MTUS2: variants seen among roughly 807,000 people sequenced by gnomAD.
MTUS2 encodes microtubule-associated tumor suppressor candidate 2.
MTUS2 carries 40 observed loss-of-function variants against 114.1 expected under a neutral mutation model. The observed-to-expected ratio is 0.35, with a 90% CI of 0.27 to 0.46. The LOEUF (loss-of-function observed/expected upper bound fraction) is 0.46, where lower values mean the gene tolerates loss of function less well. Among genes scored for constraint, MTUS2 ranks in the 20% least tolerant of loss-of-function variants. MTUS2 has a pLI of 1.00. For synonymous variants in MTUS2, 688 were observed against 672.0 expected, an observed-to-expected ratio of 1.02 and a Z score of -0.37; for missense variants, 1,679 against 1,705.4, an observed-to-expected ratio of 0.98 and a Z score of 0.27.
intron 8 of MTUS2, among the ~76,000 whole-genome samples, chr13:29,405,194 C>T (rs1459422555): frequency 6.6e-6 from 1 of 152,118 alleles, no homozygotes; most frequent in Non-Finnish European, 1.5e-5. Context: ...AACTTAATGT[C>T]CTTGGAGAAT....
chr13:28,988,749 G>C (rs1432506199), intron 2 of MTUS2, among the ~76,000 whole-genome samples: 1 of 152,136 alleles, frequency 6.6e-6, no homozygotes, highest in Non-Finnish European at 1.5e-5. Flanking sequence ...AGTAGACAAA[G>C]ACCTGAGGCA....
rs535541016 is a variant in MTUS2, at chr13:28,986,091, A to T, written c.-242-38366A>T. On this transcript the variant is annotated intron_variant, in intron 2 of 15. Coordinates refer to ENST00000612955, the MANE Select transcript of MTUS2 (RefSeq NM_001033602.4). ...GAACATAGGAGATGATGGCTTCCAA[A>T]GTTTCCTTTAAGAGTGTGAGAAGTT... Among the ~76,000 whole-genome samples, 4 of 152,036 alleles carry T rather than the reference A, an allele frequency of 2.6e-5. No homozygotes were observed. In the East Asian group the frequency reaches 7.7e-4, roughly 29 times the overall value.
chr13:29,240,194 T>G (rs1265176961), intron 5 of MTUS2: 1 of 151,990 alleles, frequency 6.6e-6, no homozygotes, highest in Non-Finnish European at 1.5e-5. Context: ...GCCATGAGAG[T>G]CAGTTAACAT....
At chr13:29,383,238 G>GTATATATATATATATATA (rs1300982870) in intron 8 of MTUS2, among the ~76,000 whole-genome samples, 60 of 24,106 alleles carry the variant, frequency 2.5e-3, no homozygotes, top group African/African-American at 4.6e-3. Flanking sequence ...GTGTGTGTGT[G>GTATATATATATATATATA]TGTGTGTGTG....
At chr13:28,854,520 C>T (rs1322601491) in intron 2 of MTUS2, among the ~76,000 whole-genome samples, 1 of 152,132 alleles carries the variant, frequency 6.6e-6, no homozygotes, top group Non-Finnish European at 1.5e-5. Context: ...CGTTGTTAGT[C>T]CATGAACACA....
chr13:28,933,658 C>G (rs1881742151), intron 2 of MTUS2, among the ~76,000 whole-genome samples: 1 of 152,188 alleles, frequency 6.6e-6, no homozygotes. Flanking sequence ...CCTTGTGGGG[C>G]TTAGCGTCCA....
intron 5 of MTUS2, among the ~76,000 whole-genome samples, chr13:29,173,002 C>T (rs1318405866): frequency 1.3e-5 from 2 of 152,078 alleles, no homozygotes; most frequent in African/African-American, 2.4e-5. Context: ...CAACATATAT[C>T]TCGTGTACCT....
At chr13:29,289,825 A>G (rs1898634755) in intron 6 of MTUS2, among the ~76,000 whole-genome samples, 1 of 152,136 alleles carries the variant, frequency 6.6e-6, no homozygotes. Context: ...ATGTGAAGAA[A>G]TTTTAGAGGG....
At chr13:28,873,226 C>T (rs1727109714) in intron 2 of MTUS2, among the ~76,000 whole-genome samples, 1 of 152,142 alleles carries the variant, frequency 6.6e-6, no homozygotes, top group Admixed American at 6.6e-5. Context: ...GTTTGAGTTC[C>T]TTGAACATAC....
chr13:28,828,718 A>G (rs1411278665), intron 1 of MTUS2, among the ~76,000 whole-genome samples: 1 of 152,200 alleles, frequency 6.6e-6, no homozygotes, highest in African/African-American at 2.4e-5. Flanking sequence ...AGGGACACCA[A>G]GACACTTAGT....
rs145283961 is a variant in MTUS2, at chr13:29,316,658, T to C, written c.2807-7955T>C. 1.9e-3 allele frequency among the ~76,000 whole-genome samples: 283 copies of C among 152,268 alleles called. 2 individuals carry two copies. Among genetic ancestry groups the C allele is most frequent in the African/African-American group, 6.5e-3 (270 of 41,566 alleles). On this transcript the variant is annotated intron_variant, in intron 6 of 15. Coordinates refer to ENST00000612955, the MANE Select transcript of MTUS2 (RefSeq NM_001033602.4). The stretch of plus-strand genomic sequence containing the variant: ...AGGACTCACTGAGGCCACTGCAGTG[T>C]AGTGAAATGCAGGCTAAGTAGGGCC...
intron 5 of MTUS2, among the ~76,000 whole-genome samples, chr13:29,104,306 C>T (rs758597499): frequency 6.6e-5 from 10 of 152,072 alleles, no homozygotes; most frequent in Non-Finnish European, 1.5e-4. Flanking sequence ...AAACTGAGAT[C>T]AGGTTGACTT....
At chr13:29,074,325 T>C (rs1318034979) in intron 4 of MTUS2, among the ~76,000 whole-genome samples, 4 of 152,168 alleles carry the variant, frequency 2.6e-5, no homozygotes, top group Non-Finnish European at 5.9e-5. Context: ...ATTCCTTGCT[T>C]AGTCCGGGTG....
chr13:28,830,024 G>A (rs772447392), intron 1 of MTUS2, among the ~76,000 whole-genome samples: 20 of 152,032 alleles, frequency 1.3e-4, no homozygotes, highest in Non-Finnish European at 1.8e-4. Flanking sequence ...CCCAACACGC[G>A]TAATCCCTCA....
In MTUS2 at chr13:29,025,894, G is replaced by A. The variant is rs371269942; in HGVS notation, c.1196G>A (p.Gly399Asp). ...QDSLHTTPKQ[G>D]SASLGGADNQ... ...TCTCTCCACACCACCCCCAAACAGG[G>A]CTCTGCTTCCTTAGGAGGGGCTGAT... Residue 399 changes from glycine (G) to aspartate (D), a missense_variant, in exon 3 of 16, where the codon GGC (glycine) becomes GAC (aspartate). Gly to Asp is a moderately conservative substitution (Grantham distance 94). Around this residue, in one of 3 missense-constraint regions of MTUS2, gnomAD observed 843 missense variants for 770.8 expected, o/e 1.09. Transcript: ENST00000612955. 7.0e-5 allele frequency: 113 copies of A among 1,613,410 alleles called. No individual in the cohort carries two copies. The highest frequency in any genetic ancestry group is 8.9e-5 in the Non-Finnish European group (105 of 1,179,642).
At chr13:29,216,230 A>T (rs954279306) in intron 5 of MTUS2, among the ~76,000 whole-genome samples, 1 of 152,180 alleles carries the variant, frequency 6.6e-6, no homozygotes, top group Non-Finnish European at 1.5e-5. Flanking sequence ...CCCTTCCTTC[A>T]TCAAGCTCGA....
At chr13:29,052,639 A>G (rs967512076) in intron 4 of MTUS2, among the ~76,000 whole-genome samples, 3 of 152,216 alleles carry the variant, frequency 2.0e-5, no homozygotes, top group Non-Finnish European at 4.4e-5. Flanking sequence ...TATTGTCCCA[A>G]ACAATGAAAG....
chr13:28,848,678 A>G (rs1011491132), intron 2 of MTUS2, among the ~76,000 whole-genome samples: 17 of 152,262 alleles, frequency 1.1e-4, no homozygotes, highest in African/African-American at 3.1e-4. Context: ...CTTTATAATA[A>G]TAATTGATAT....
At chr13:28,910,457 G>C (rs1226531474) in intron 2 of MTUS2, among the ~76,000 whole-genome samples, 1 of 152,058 alleles carries the variant, frequency 6.6e-6, no homozygotes, top group Non-Finnish European at 1.5e-5. Flanking sequence ...ATGCCATGGT[G>C]GTTTGCCGCG....
Sources: allele counts gnomAD v4.1 joint callset (sites outside exome capture counted in the v4.1 genomes callset), GRCh38; gene constraint gnomAD v4.1.1; regional missense constraint gnomAD v4.1.1; transcripts MANE v1.5; gene names NCBI Gene and HGNC (gene_info 2026-07-23, HGNC 2026-07-21).